Variants in MYCBP2 observed in about 807,000 individuals in gnomAD.
The protein encoded by MYCBP2 is E3 ubiquitin-protein ligase MYCBP2.
A neutral mutation model predicts 525.3 loss-of-function variants in MYCBP2; 120 were observed. The observed-to-expected ratio is 0.23, with a 90% CI of 0.20 to 0.27. The LOEUF is 0.27. Among genes scored for constraint, MYCBP2 ranks in the 10% least tolerant of loss-of-function variants. The pLI, the probability that MYCBP2 is intolerant of heterozygous loss-of-function variation, is 1.00. For synonymous variants in MYCBP2, 1,894 were observed against 1,955.8 expected (o/e 0.97, Z 0.83); for missense variants, 4,149 against 5,657.1 (o/e 0.73, Z 8.55).
chr13:77,195,579 C>T (rs1330334343), intron 26 of MYCBP2, among the ~76,000 whole-genome samples: 1 of 138,772 alleles, frequency 7.2e-6, no homozygotes, highest in Non-Finnish European at 1.7e-5. Flanking sequence ...TGTGGGCTAC[C>T]AAAGAGACTC....
intron 18 of MYCBP2, among the ~76,000 whole-genome samples, chr13:77,232,224 G>A (rs1374721179): frequency 6.6e-6 from 1 of 151,990 alleles, no homozygotes; most frequent in Non-Finnish European, 1.5e-5. Context: ...GCAAAAAAAA[G>A]AAAAGGATCC....
chr13:77,182,467 A>G (rs1038218416), intron 32 of MYCBP2, among the ~76,000 whole-genome samples: 5 of 152,254 alleles, frequency 3.3e-5, no homozygotes, highest in African/African-American at 1.2e-4. Context: ...CCTAATTCAC[A>G]AAATTGTGTA....
Position 77,326,861 on chromosome 13 carries a change from G to T in MYCBP2, c.-86C>A, listed in dbSNP as rs1171893085. ...CGCGCACACACAGCCCTTTTCCAACGACGACGGCTCCGGCGGCGGCCTCTG... is the reference window on the plus strand; with the variant it reads ...CGCGCACACACAGCCCTTTTCCAACTACGACGGCTCCGGCGGCGGCCTCTG... On this transcript the variant is annotated 5_prime_UTR_variant, in exon 1 of 83. Transcript: ENST00000544440. This position sits in a 1 kb window ranked among gnomAD's most constrained non-coding sequence, Gnocchi z 4.2. The T allele has an allele frequency of 1.6e-6, 2 of 1,272,610 alleles. No individual in the cohort carries two copies. Among genetic ancestry groups the T allele is most frequent in the South Asian group, 2.2e-5 (1 of 45,616 alleles). The allele number at this position is 1,272,610 out of a possible 1,614,324, so 78.8% of individuals were successfully genotyped here. A position where few individuals can be genotyped will look rare whatever the true frequency, so the allele number is the denominator to read the frequency against.
At chr13:77,216,151 A>G (rs1272287026) in intron 21 of MYCBP2, among the ~76,000 whole-genome samples, 1 of 152,216 alleles carries the variant, frequency 6.6e-6, no homozygotes, top group East Asian at 1.9e-4. Flanking sequence ...TACAGGAGCC[A>G]ACTTGAAGGG....
chr13:77,319,608 CA>C (rs954772201), intron 1 of MYCBP2, among the ~76,000 whole-genome samples: 1 of 152,110 alleles, frequency 6.6e-6, no homozygotes, highest in African/African-American at 2.4e-5. Flanking sequence ...TGTTATTTAC[CA>C]AAAGCCATCT....
chr13:77,142,463 G>A (rs1456491002), intron 49 of MYCBP2, among the ~76,000 whole-genome samples: 22 of 152,206 alleles, frequency 1.4e-4, no homozygotes. Context: ...ATTAATGTAT[G>A]AGAACATACA....
Position 77,125,376 on chromosome 13 carries a change from A to G in MYCBP2, c.7977T>C (p.Ala2659=), listed in dbSNP as rs1490814739. Residue 2659 remains alanine (A), a synonymous_variant, in exon 54 of 83, where the codon GCT becomes GCC. Transcript: ENST00000544440. ...ESDEGEAWSL[A]RDRGGNQYLR... ...GGTACTGGTTTCCGCCTCTGTCTCTAGCTAAGGACCATGCCTCTCCTTCAT... is the reference window on the plus strand; with the variant it reads ...GGTACTGGTTTCCGCCTCTGTCTCTGGCTAAGGACCATGCCTCTCCTTCAT... The G allele has an allele frequency of 6.2e-7, 1 of 1,613,964 alleles. No homozygotes were observed. The highest frequency in any genetic ancestry group is 1.1e-5 in the South Asian group (1 of 91,076).
At chr13:77,315,863 C>A (rs2080870687) in intron 1 of MYCBP2, among the ~76,000 whole-genome samples, 1 of 147,450 alleles carries the variant, frequency 6.8e-6, no homozygotes, top group African/African-American at 2.5e-5. Flanking sequence ...CCACTGCACT[C>A]CAGCCTGGGC....
chr13:77,308,306 T>G (rs1050034398), intron 1 of MYCBP2, among the ~76,000 whole-genome samples: 1 of 152,224 alleles, frequency 6.6e-6, no homozygotes, highest in Non-Finnish European at 1.5e-5. Context: ...AGGGCCTTAC[T>G]CTATTAATTA....
intron 40 of MYCBP2, 147 bp downstream of exon 40, chr13:77,168,281 C>A (rs997468889): frequency 1.1e-5 from 7 of 609,740 alleles, no homozygotes; most frequent in Non-Finnish European, 2.0e-5. Context: ...ATATATCCAA[C>A]AGTGCCTAAT....
At chr13:77,228,678 T>C (rs1012710705) in intron 18 of MYCBP2, among the ~76,000 whole-genome samples, 1 of 137,094 alleles carries the variant, frequency 7.3e-6, no homozygotes, top group African/African-American at 2.7e-5. Flanking sequence ...GTATTTTCCC[T>C]AAGATGAATA....
chr13:77,219,459 AT>A (rs750795057), intron 20 of MYCBP2, among the ~76,000 whole-genome samples: 168 of 146,030 alleles, frequency 1.2e-3, no homozygotes, highest in East Asian at 1.2e-3. Context: ...GAAGGAGAGG[AT>A]TTTTTTTTTT....
At chr13:77,170,857 G>A (rs1399245533) in intron 38 of MYCBP2, among the ~76,000 whole-genome samples, 1 of 152,120 alleles carries the variant, frequency 6.6e-6, no homozygotes, top group East Asian at 1.9e-4. Flanking sequence ...TTACAGGCAT[G>A]AGCCACCATG....
intron 80 of MYCBP2, among the ~76,000 whole-genome samples, chr13:77,055,142 AAAAG>A (rs201777858): frequency 5.6e-3 from 662 of 117,904 alleles, no homozygotes; most frequent in Middle Eastern, 0.028. Context: ...TAAAAAAAAA[AAAAG>A]AAGAAGTAGT....
At chr13:77,293,115 C>T (rs1004083433) in intron 2 of MYCBP2, among the ~76,000 whole-genome samples, 4 of 152,118 alleles carry the variant, frequency 2.6e-5, no homozygotes, top group African/African-American at 9.7e-5. Context: ...GGCTCAGCTA[C>T]TGAGAAGCCT....
chr13:77,312,854 T>C (rs189906828), intron 1 of MYCBP2, among the ~76,000 whole-genome samples: 1 of 152,142 alleles, frequency 6.6e-6, no homozygotes, highest in African/African-American at 2.4e-5. Context: ...TCTATACTAG[T>C]TGCCTAAGAG....
chr13:77,116,193 A>T (rs2049725425), intron 55 of MYCBP2, among the ~76,000 whole-genome samples: 1 of 152,036 alleles, frequency 6.6e-6, no homozygotes. Flanking sequence ...GGCGACTATC[A>T]GTATAAACAA....
At chr13:77,186,193 AT>A in intron 30 of MYCBP2, 130 bp from the exon 31 acceptor site, 16 of 608,520 alleles carry the variant, frequency 2.6e-5, no homozygotes, top group South Asian at 7.2e-5. Context: ...TTTTAATTGA[AT>A]TTTTTTTACT....
chr13:77,047,240 AAC>A (rs1238350432), intron 82 of MYCBP2, among the ~76,000 whole-genome samples: 2 of 152,146 alleles, frequency 1.3e-5, no homozygotes, highest in Non-Finnish European at 1.5e-5. Flanking sequence ...TTAACCATTT[AAC>A]AGTCATAGGA....
Sources: allele counts gnomAD v4.1 joint callset (sites outside exome capture counted in the v4.1 genomes callset), GRCh38; gene constraint gnomAD v4.1.1; non-coding constraint Gnocchi (gnomAD v3.1); transcripts MANE v1.5; gene names NCBI Gene and HGNC (gene_info 2026-07-23, HGNC 2026-07-21).